The following UBE2D2 variants were observed in gnomAD, a reference collection of about 807,000 sequenced individuals.
UBE2D2 encodes the protein ubiquitin-conjugating enzyme E2 D2.
In UBE2D2, 2 loss-of-function variants were observed where a neutral mutation model predicts 24.2. The observed-to-expected ratio is 0.08, with a 90% CI of 0.03 to 0.26. UBE2D2 has a LOEUF of 0.26. Ranked by LOEUF, UBE2D2 falls within the 10% of genes least tolerant of loss-of-function variation. UBE2D2 has a pLI of 1.00. For missense variants in UBE2D2, 44 were observed against 177.6 expected (o/e 0.25, Z 4.28); for synonymous variants, 58 against 56.5 (o/e 1.03, Z -0.12).
intron 1 of UBE2D2, among the ~76,000 whole-genome samples, chr5:139,549,142 C>T (rs758001392): frequency 3.9e-5 from 6 of 152,152 alleles, no homozygotes; most frequent in Non-Finnish European, 8.8e-5. Context: ...CCACTGTGCC[C>T]GGTCTTAAAA....
At chr5:139,562,454 C>A in intron 1 of UBE2D2, 3 of 1,284,682 alleles carry the variant, frequency 2.3e-6, no homozygotes, top group Non-Finnish European at 3.0e-6. Context: ...TCATTTTATT[C>A]CTTGAGGTTG....
intron 1 of UBE2D2, among the ~76,000 whole-genome samples, chr5:139,585,021 C>T (rs1753697524): frequency 6.6e-6 from 1 of 151,800 alleles, no homozygotes; most frequent in South Asian, 2.1e-4. Context: ...TTGCCTCAGC[C>T]TCCCATGTAG....
chr5:139,592,916 C>G (rs751293950), intron 1 of UBE2D2, among the ~76,000 whole-genome samples: 4 of 145,324 alleles, frequency 2.8e-5, no homozygotes, highest in Non-Finnish European at 6.0e-5. Context: ...TTTCAGTAAT[C>G]TTAAAAGAGT....
At chr5:139,601,302 C>T (rs1218841636) in intron 2 of UBE2D2, among the ~76,000 whole-genome samples, 1 of 151,932 alleles carries the variant, frequency 6.6e-6, no homozygotes, top group East Asian at 1.9e-4. Context: ...AAAACTAATT[C>T]ACAAAAAACT....
chr5:139,563,670 C>G (rs542256818), intron 1 of UBE2D2, among the ~76,000 whole-genome samples: 1 of 152,110 alleles, frequency 6.6e-6, no homozygotes, highest in Admixed American at 6.5e-5. Flanking sequence ...CGGTGGCTCA[C>G]GCCTGTAATC....
At chr5:139,601,924 GAAA>G (rs753268686) in intron 2 of UBE2D2, among the ~76,000 whole-genome samples, 2 of 147,912 alleles carry the variant, frequency 1.4e-5, no homozygotes, top group Non-Finnish European at 3.0e-5. Context: ...AAAAAAAAAA[GAAA>G]AAAAAATTTG....
intron 1 of UBE2D2, among the ~76,000 whole-genome samples, chr5:139,596,133 C>T (rs1397706037): frequency 1.3e-5 from 2 of 151,728 alleles, no homozygotes; most frequent in Non-Finnish European, 2.9e-5. Flanking sequence ...ACCTCATGAT[C>T]CGCCCACCTC....
rs546234571 is a variant in UBE2D2, at chr5:139,614,789, T to C, written c.198+15T>C. On this transcript the variant is annotated intron_variant, in intron 4 of 6. Coordinates refer to ENST00000398733, the MANE Select transcript of UBE2D2 (RefSeq NM_003339.3). Reference sequence around the variant, plus strand: ...AACCACCTAAGGTAATTAATTGGAATGTGGCAGTTTTTAATGTACTTTCTA... The same window carrying C: ...AACCACCTAAGGTAATTAATTGGAACGTGGCAGTTTTTAATGTACTTTCTA... The C allele has an allele frequency of 1.2e-6, 2 of 1,613,410 alleles. No homozygotes were observed. The highest frequency in any genetic ancestry group is 2.7e-5 in the African/African-American group (2 of 75,020).
intron 1 of UBE2D2, among the ~76,000 whole-genome samples, chr5:139,549,923 C>T (rs776685459): frequency 6.6e-6 from 1 of 152,100 alleles, no homozygotes; most frequent in Non-Finnish European, 1.5e-5. Flanking sequence ...CTCTATCTAG[C>T]TAATCTGGTG....
rs368837306 is a variant in UBE2D2 at position 139,600,422 on chromosome 5, T to C, written c.75T>C (p.Pro25=). Residue 25 remains proline, a synonymous_variant, in exon 2 of 7, where the codon CCT becomes CCC. Coordinates refer to ENST00000398733, the MANE Select transcript of UBE2D2 (RefSeq NM_003339.3). ...RDPPAQCSAG[P]VGDDMFHWQA... is the part of the protein sequence containing the mutation. The stretch of plus-strand genomic sequence containing the variant: ...CTCCAGCACAGTGTTCAGCAGGTCC[T>C]GTTGGAGATGATAGTAAGTATTTAA... 6.2e-7 allele frequency: 1 copy of C among 1,614,156 alleles called. No homozygotes were observed. Among genetic ancestry groups the C allele is most frequent in the Non-Finnish European group, 8.5e-7 (1 of 1,180,022 alleles).
At chr5:139,574,658 C>T (rs1188033180) in intron 1 of UBE2D2, among the ~76,000 whole-genome samples, 4 of 150,394 alleles carry the variant, frequency 2.7e-5, no homozygotes, top group East Asian at 1.9e-4. Context: ...TCTTATTCTT[C>T]GTATTCCTAG....
At chr5:139,599,316 T>A (rs1160411578) in intron 1 of UBE2D2, among the ~76,000 whole-genome samples, 1 of 152,176 alleles carries the variant, frequency 6.6e-6, no homozygotes, top group Non-Finnish European at 1.5e-5. Flanking sequence ...ACTTGTCAGA[T>A]GGTCCAGTAT....
chr5:139,616,829 T>C (rs1316806153), intron 5 of UBE2D2, among the ~76,000 whole-genome samples: 1 of 152,032 alleles, frequency 6.6e-6, no homozygotes, highest in Non-Finnish European at 1.5e-5. Flanking sequence ...GTTCTGAAAA[T>C]TGGAGGTTAC....
At chr5:139,573,302 AAAAAAAAAAAG>A (rs1265578780) in intron 1 of UBE2D2, among the ~76,000 whole-genome samples, 1 of 146,186 alleles carries the variant, frequency 6.8e-6, no homozygotes, top group African/African-American at 2.5e-5. Flanking sequence ...ACTCCATCTC[AAAAAAAAAAAG>A]AAAAAAAAAA....
chr5:139,561,875 C>G (rs1236458002), intron 1 of UBE2D2, 60 bp downstream of exon 1: 2 of 1,442,532 alleles, frequency 1.4e-6, no homozygotes, highest in Non-Finnish European at 1.8e-6. Flanking sequence ...GCCTGCACTT[C>G]CCGCCGTAGT....
intron 1 of UBE2D2, among the ~76,000 whole-genome samples, chr5:139,549,445 G>A (rs554634567): frequency 6.6e-6 from 1 of 152,332 alleles, no homozygotes; most frequent in South Asian, 2.1e-4. Context: ...CCGAGCGGCC[G>A]GCTGGCGCCG....
At chr5:139,560,444 C>T (rs1021581222), upstream of UBE2D2, among the ~76,000 whole-genome samples, 1 of 152,034 alleles carries the variant, frequency 6.6e-6, no homozygotes, top group Admixed American at 6.6e-5. Context: ...GATCCGCCTG[C>T]CTTGGCCTCC....
At chr5:139,600,729 G>A (rs976451280) in intron 2 of UBE2D2, among the ~76,000 whole-genome samples, 1 of 152,158 alleles carries the variant, frequency 6.6e-6, no homozygotes, top group Non-Finnish European at 1.5e-5. Context: ...TCTTGAGTAA[G>A]ATAATACTAA....
At chr5:139,568,068 G>A (rs1337908662) in intron 1 of UBE2D2, among the ~76,000 whole-genome samples, 1 of 152,144 alleles carries the variant, frequency 6.6e-6, no homozygotes, top group East Asian at 1.9e-4. Context: ...TAGGCTGGGT[G>A]CGGTGGCTTA....
Sources: gnomAD v4.1 joint callset for allele counts (sites outside exome capture counted in the v4.1 genomes callset) on GRCh38, gnomAD v4.1.1 for gene constraint, MANE v1.5 for transcripts, NCBI Gene and HGNC (gene_info 2026-07-23, HGNC 2026-07-21) for gene names.